The following SKAP2 variants were observed in gnomAD, a reference collection of about 807,000 sequenced individuals.
The protein encoded by SKAP2 is src kinase-associated phosphoprotein 2.
A neutral mutation model predicts 54.9 loss-of-function variants in SKAP2; 28 were observed. The observed-to-expected ratio is 0.51, with a 90% CI of 0.38 to 0.70. The LOEUF (loss-of-function observed/expected upper bound fraction) is 0.70. Ranked by LOEUF, SKAP2 falls within the 30% of genes least tolerant of loss-of-function variation. The pLI, the probability that SKAP2 is intolerant of heterozygous loss-of-function variation, is 0.00. For missense variants in SKAP2, 356 were observed against 424.1 expected (o/e 0.84, Z 1.41); for synonymous variants, 137 against 134.3 (o/e 1.02, Z -0.14).
chr7:26,864,477 G>T lies in SKAP2; in HGVS notation c.-48C>A, dbSNP rs768170846. The T allele has an allele frequency of 6.4e-7, 1 of 1,555,114 alleles. No individual in the cohort carries two copies. Among genetic ancestry groups the T allele is most frequent in the South Asian group, 1.2e-5 (1 of 83,368 alleles). On this transcript the variant is annotated 5_prime_UTR_variant, in exon 1 of 13. Transcript: ENST00000345317. ...GGGAAAGGACCTGCGCTGAAAAGGT[G>T]ACCGACGGGGTGGGGCTGCGGCTGC...
At chr7:26,720,093 C>CAT (rs1167885114) in intron 9 of SKAP2, among the ~76,000 whole-genome samples, 2 of 146,382 alleles carry the variant, frequency 1.4e-5, no homozygotes, top group African/African-American at 2.5e-5. Context: ...CACACACACA[C>CAT]ATCCCAGTTA....
chr7:26,741,329 TA>T (rs1239444196), intron 4 of SKAP2, among the ~76,000 whole-genome samples: 2 of 151,904 alleles, frequency 1.3e-5, no homozygotes, highest in African/African-American at 4.8e-5. Flanking sequence ...CCAGCTTGGG[TA>T]ACACAGTGAG....
At chr7:26,844,177 CT>C in intron 3 of SKAP2, 40 bp from the exon 4 acceptor site, 1 of 1,214,036 alleles carries the variant, frequency 8.2e-7, no homozygotes, top group Non-Finnish European at 1.2e-6. Context: ...GCCTTTTATA[CT>C]TTAGCCATTT....
At chr7:26,862,102 A>G (rs1478082582) in intron 1 of SKAP2, among the ~76,000 whole-genome samples, 1 of 151,992 alleles carries the variant, frequency 6.6e-6, no homozygotes, top group Non-Finnish European at 1.5e-5. Context: ...TATTCAAACC[A>G]ATATAAATAC....
chr7:26,715,445 G>A (rs1787408751), intron 9 of SKAP2, among the ~76,000 whole-genome samples: 1 of 151,430 alleles, frequency 6.6e-6, no homozygotes, highest in African/African-American at 2.4e-5. Flanking sequence ...TTATAGTTCT[G>A]TCATCTCCAG....
At position 26,750,099 on chromosome 7, in the gene SKAP2, C is replaced by T. The variant is rs912188515; in HGVS notation, c.308-10135G>A. On this transcript the variant is annotated intron_variant, in intron 4 of 12. Coordinates refer to ENST00000345317, the MANE Select transcript of SKAP2 (RefSeq NM_003930.5). ...GACCTTAAGTCTACTTGCCCAGAAG[C>T]CCATTTTCTGAAATGCTATGTTCCA... Among the ~76,000 whole-genome samples the T allele has an allele frequency of 7.9e-5, 12 of 151,898 alleles. 1 individual carries two copies. The highest frequency in any genetic ancestry group is 2.4e-4 in the African/African-American group (10 of 41,376).
chr7:26,723,699 T>C (rs1234395140), intron 9 of SKAP2, among the ~76,000 whole-genome samples: 1 of 149,122 alleles, frequency 6.7e-6, no homozygotes, highest in Non-Finnish European at 1.5e-5. Context: ...TTATTCCTGA[T>C]CAATTTTTTT....
At chr7:26,774,803 C>A (rs1007880288) in intron 4 of SKAP2, among the ~76,000 whole-genome samples, 4 of 152,118 alleles carry the variant, frequency 2.6e-5, no homozygotes, top group African/African-American at 9.7e-5. Flanking sequence ...TCTAGATAGA[C>A]TTTTTTTAAC....
intron 9 of SKAP2, among the ~76,000 whole-genome samples, chr7:26,719,275 A>G (rs7808068): frequency 5.9e-5 from 9 of 152,204 alleles, no homozygotes; most frequent in Admixed American, 5.9e-4. Flanking sequence ...GAAGTACATT[A>G]AAGTGAGCTC....
At chr7:26,766,532 G>A (rs917449976) in intron 4 of SKAP2, among the ~76,000 whole-genome samples, 6 of 152,192 alleles carry the variant, frequency 3.9e-5, no homozygotes, top group African/African-American at 1.4e-4. Context: ...GTGAAAGAGG[G>A]CATCCTTGTC....
intron 11 of SKAP2, among the ~76,000 whole-genome samples, chr7:26,681,611 T>TAGA (rs1443894394): frequency 6.6e-6 from 1 of 152,230 alleles, no homozygotes; most frequent in Non-Finnish European, 1.5e-5. Context: ...GACACACTTT[T>TAGA]AGAAGGTAAA....
intron 4 of SKAP2, among the ~76,000 whole-genome samples, chr7:26,749,100 T>C (rs1184354650): frequency 6.6e-6 from 1 of 152,134 alleles, no homozygotes. Context: ...CATTGTTCCA[T>C]ACACATACAA....
At chr7:26,816,335 T>C (rs1405823588) in intron 4 of SKAP2, among the ~76,000 whole-genome samples, 1 of 152,112 alleles carries the variant, frequency 6.6e-6, no homozygotes, top group Non-Finnish European at 1.5e-5. Flanking sequence ...TGGCAGAGCT[T>C]ATGCTGAGAA....
chr7:26,677,238 A>T (rs1181670395), intron 11 of SKAP2, among the ~76,000 whole-genome samples: 1 of 151,954 alleles, frequency 6.6e-6, no homozygotes, highest in African/African-American at 2.4e-5. Context: ...TAAAAATACA[A>T]AAAATTAGCC....
intron 10 of SKAP2, among the ~76,000 whole-genome samples, chr7:26,686,174 G>A (rs529934452): frequency 1.3e-5 from 2 of 152,174 alleles, no homozygotes; most frequent in African/African-American, 4.8e-5. Context: ...CCAAAAAAAA[G>A]AGAATCTGAA....
chr7:26,751,884 T>A (rs1369426912), intron 4 of SKAP2, among the ~76,000 whole-genome samples: 1 of 62,930 alleles, frequency 1.6e-5, no homozygotes. Flanking sequence ...ACACACAGGG[T>A]GGGAGGGAGG....
In SKAP2 at chr7:26,844,142, T is replaced by C. The variant is rs959711045; in HGVS notation, c.200-5A>G. On this transcript the variant is annotated splice_polypyrimidine_tract_variant and splice_region_variant and intron_variant, in intron 3 of 12. Transcript: ENST00000345317. ...CTTCCCCATCTTCTGCATCACCTGT[T>C]AAAAAAAAAAAAAATCAGAGAACTG... 1.7e-5 allele frequency: 22 copies of C among 1,282,470 alleles called. No individual in the cohort carries two copies. In the Admixed American group the frequency reaches 4.1e-4, roughly 24 times the overall value. 79.4% of individuals were successfully genotyped at this position (1,282,470 alleles called of 1,614,324 possible). A position where few individuals can be genotyped will look rare whatever the true frequency, so the allele number is the denominator to read the frequency against.
chr7:26,855,515 G>A (rs1454871333), intron 1 of SKAP2, among the ~76,000 whole-genome samples: 1 of 151,958 alleles, frequency 6.6e-6, no homozygotes, highest in African/African-American at 2.4e-5. Flanking sequence ...AGTTTTGTGA[G>A]CTCTTGCTTC....
At chr7:26,808,138 T>G (rs1167257511) in intron 4 of SKAP2, among the ~76,000 whole-genome samples, 2 of 152,164 alleles carry the variant, frequency 1.3e-5, no homozygotes, top group African/African-American at 4.8e-5. Flanking sequence ...AATAAATAAT[T>G]AATACATCTG....
Sources: allele counts gnomAD v4.1 joint callset (sites outside exome capture counted in the v4.1 genomes callset), GRCh38; gene constraint gnomAD v4.1.1; transcripts MANE v1.5; gene names NCBI Gene and HGNC (gene_info 2026-07-23, HGNC 2026-07-21).